The following RGS6 variants were observed in gnomAD, a reference collection of about 807,000 sequenced individuals.
The protein encoded by RGS6 is regulator of G protein signaling 6.
In RGS6, 30 loss-of-function variants were observed where a neutral mutation model predicts 78.5. The observed-to-expected ratio is 0.38, with a 90% CI of 0.29 to 0.52. The LOEUF (loss-of-function observed/expected upper bound fraction) is 0.52, where lower values mean the gene tolerates loss of function less well. Ranked by LOEUF, RGS6 falls within the 20% of genes least tolerant of loss-of-function variation. The probability of loss-of-function intolerance (pLI) is 0.85; values close to 1 mark genes in which losing one functional copy is unlikely to be tolerated. For synonymous variants in RGS6, 206 were observed against 206.0 expected, an observed-to-expected ratio of 1.00 and a Z score of 0.00; for missense variants, 495 against 609.7, an observed-to-expected ratio of 0.81 and a Z score of 1.98.
intron 2 of RGS6, among the ~76,000 whole-genome samples, chr14:72,144,471 C>G (rs2096581334): frequency 6.6e-6 from 1 of 152,140 alleles, no homozygotes; most frequent in Non-Finnish European, 1.5e-5. Flanking sequence ...ATTTTTGAGC[C>G]TTGAGGTTCA....
At chr14:72,438,478 C>G (rs553201500) in intron 3 of RGS6, among the ~76,000 whole-genome samples, 23 of 152,276 alleles carry the variant, frequency 1.5e-4, no homozygotes, top group African/African-American at 5.5e-4. Context: ...ATGGCTAGCA[C>G]GCAAGCCCAG....
intron 12 of RGS6, among the ~76,000 whole-genome samples, chr14:72,481,832 G>C (rs1200326501): frequency 4.8e-4 from 67 of 140,062 alleles, no homozygotes; most frequent in African/African-American, 1.7e-3. Context: ...TTTTTGAGAC[G>C]GAGTCTTGCT....
chr14:72,180,645 G>A (rs1275592460), intron 2 of RGS6, among the ~76,000 whole-genome samples: 1 of 152,216 alleles, frequency 6.6e-6, no homozygotes, highest in East Asian at 1.9e-4. Context: ...CAGAGTGTAT[G>A]TTGTGGTTTC....
intron 3 of RGS6, among the ~76,000 whole-genome samples, chr14:72,414,203 C>A (rs2093636378): frequency 1.3e-5 from 2 of 152,222 alleles, no homozygotes; most frequent in Admixed American, 6.5e-5. Context: ...CTTTCAGGTA[C>A]ACCAATCAGA....
intron 2 of RGS6, among the ~76,000 whole-genome samples, chr14:72,014,477 G>A (rs1295320514): frequency 1.3e-5 from 2 of 152,166 alleles, no homozygotes; most frequent in Non-Finnish European, 2.9e-5. Context: ...TTTGATTTTT[G>A]GAAAGAGTGA....
intron 2 of RGS6, among the ~76,000 whole-genome samples, chr14:72,282,465 C>T (rs988320528): frequency 6.6e-6 from 1 of 152,186 alleles, no homozygotes; most frequent in African/African-American, 2.4e-5. Flanking sequence ...ATCCCACTAA[C>T]AGAGGGGTTG....
intron 2 of RGS6, among the ~76,000 whole-genome samples, chr14:72,018,194 G>GTTTGT (rs3053079): frequency 0.91 from 137,342 of 151,754 alleles, 62,373 homozygotes; most frequent in East Asian, 0.98. Context: ...GTCTTTTCTT[G>GTTTGT]TTTGTTTTGT....
At chr14:72,287,026 C>T (rs1168787354) in intron 2 of RGS6, among the ~76,000 whole-genome samples, 1 of 152,128 alleles carries the variant, frequency 6.6e-6, no homozygotes, top group East Asian at 1.9e-4. Flanking sequence ...TCAGGTGATC[C>T]ACCCACCTTG....
At chr14:71,995,600 G>A (rs143668873) in intron 2 of RGS6, among the ~76,000 whole-genome samples, 16 of 152,264 alleles carry the variant, frequency 1.1e-4, no homozygotes, top group African/African-American at 2.6e-4. Context: ...AATGGTGCTC[G>A]CCTCATAGGG....
chr14:72,134,833 A>T (rs571114687), intron 2 of RGS6, among the ~76,000 whole-genome samples: 107 of 152,262 alleles, frequency 7.0e-4, no homozygotes, highest in Non-Finnish European at 1.3e-3. Flanking sequence ...AAGAAGAGAG[A>T]GAGTGAATTC....
chr14:71,947,417 G>A (rs1441122054), intron 1 of RGS6, among the ~76,000 whole-genome samples: 2 of 152,042 alleles, frequency 1.3e-5, no homozygotes, highest in Middle Eastern at 3.4e-3. Flanking sequence ...AATCACTTCC[G>A]CTGCCTGCCA....
chr14:71,900,317 C>A, the RGS6 span, among the ~76,000 whole-genome samples: 6 of 152,132 alleles, frequency 3.9e-5, no homozygotes, highest in Admixed American at 6.6e-5. Context: ...TGTATAATTA[C>A]CGCTTTTTTA....
intron 2 of RGS6, among the ~76,000 whole-genome samples, chr14:72,205,638 C>A (rs918056732): frequency 2.0e-5 from 3 of 152,136 alleles, no homozygotes; most frequent in African/African-American, 7.2e-5. Flanking sequence ...CAGATGATTG[C>A]ATATTTAAGC....
At chr14:72,050,815 C>T (rs569516349) in intron 2 of RGS6, among the ~76,000 whole-genome samples, 12 of 152,184 alleles carry the variant, frequency 7.9e-5, no homozygotes, top group Admixed American at 2.6e-4. Flanking sequence ...GCTGACTTTG[C>T]GCATATGCAG....
At chr14:71,878,490 G>A in the RGS6 span, among the ~76,000 whole-genome samples, 3 of 152,200 alleles carry the variant, frequency 2.0e-5, no homozygotes, top group Non-Finnish European at 4.4e-5. Flanking sequence ...AGCCAGGCAC[G>A]GGATATAATC....
chr14:72,157,805 A>C (rs1287462917), intron 2 of RGS6, among the ~76,000 whole-genome samples: 2 of 152,130 alleles, frequency 1.3e-5, no homozygotes, highest in African/African-American at 4.8e-5. Context: ...GTGAGTGTAA[A>C]GATGCAGGAC....
chr14:72,390,970 G>C (rs1252545434), intron 3 of RGS6, among the ~76,000 whole-genome samples: 1 of 152,190 alleles, frequency 6.6e-6, no homozygotes, highest in Non-Finnish European at 1.5e-5. Flanking sequence ...CTTCCACTCA[G>C]ACTTCATGCT....
downstream of RGS6, among the ~76,000 whole-genome samples, chr14:72,567,116 A>G (rs1387143736): frequency 6.6e-6 from 1 of 152,236 alleles, no homozygotes; most frequent in Non-Finnish European, 1.5e-5. Flanking sequence ...ACCTAGCTGC[A>G]TACTTCAGTG....
intron 2 of RGS6, among the ~76,000 whole-genome samples, chr14:72,110,021 G>T (rs540827943): frequency 6.6e-6 from 1 of 152,316 alleles, no homozygotes; most frequent in African/African-American, 2.4e-5. Flanking sequence ...AAAACTTTCT[G>T]ACATTGAGTG....
Sources: allele counts gnomAD v4.1 joint callset (sites outside exome capture counted in the v4.1 genomes callset), GRCh38; gene constraint gnomAD v4.1.1; transcripts MANE v1.5; gene names NCBI Gene and HGNC (gene_info 2026-07-23, HGNC 2026-07-21).